The following RC3H1 variants were observed in gnomAD, a reference collection of about 807,000 sequenced individuals.
RC3H1 encodes roquin-1.
Under a neutral mutation model 138.2 loss-of-function variants are expected in RC3H1, and 50 were observed. The ratio of observed to expected loss-of-function variants is 0.36; its 90% CI spans 0.29 to 0.46. The LOEUF (loss-of-function observed/expected upper bound fraction) is 0.46, where lower values mean the gene tolerates loss of function less well. Ranked by LOEUF, RC3H1 falls within the 20% of genes least tolerant of loss-of-function variation. The pLI, the probability that RC3H1 is intolerant of heterozygous loss-of-function variation, is 1.00. For synonymous variants in RC3H1, 462 were observed against 489.1 expected (o/e 0.94, Z 0.73); for missense variants, 1,031 against 1,388.1 (o/e 0.74, Z 4.09).
In RC3H1 at chr1:173,993,064, G is replaced by A; in HGVS notation, c.-79C>T. 3.8e-6 allele frequency: 4 copies of A among 1,051,784 alleles called. No individual in the cohort carries two copies. In the African/African-American group the frequency reaches 4.9e-5, roughly 13 times the overall value. 65.2% of individuals were successfully genotyped at this position (1,051,784 alleles called of 1,614,324 possible). On this transcript the variant is annotated 5_prime_UTR_variant, in exon 2 of 20. Transcript: ENST00000367696. ...AGATTCCACTGGAATCAAAATCTTT[G>A]AAAAAAAGTTTATCTTTTTTTTTTT...
chr1:173,969,890 TAA>T (rs912801961), intron 9 of RC3H1, among the ~76,000 whole-genome samples: 1 of 151,922 alleles, frequency 6.6e-6, no homozygotes, highest in Non-Finnish European at 1.5e-5. Context: ...TTAGTTAAAT[TAA>T]GTTAAAATTG....
Position 173,938,610 on chromosome 1 carries a change from G to A in RC3H1, c.*111C>T, listed in dbSNP as rs962847637. On this transcript the variant is annotated 3_prime_UTR_variant, in exon 20 of 20. Transcript: ENST00000367696. ...GCACATTGCCTCTGGTGAATTTCCT[G>A]GATTTCTCTGACCGCTCTTAAGAGA... 1 of 733,314 alleles carries A rather than the reference G, an allele frequency of 1.4e-6. No homozygotes were observed. Among genetic ancestry groups the A allele is most frequent in the African/African-American group, 1.8e-5 (1 of 55,868 alleles). 45.4% of individuals were successfully genotyped at this position (733,314 alleles called of 1,614,324 possible). A position where few individuals can be genotyped will look rare whatever the true frequency, so the allele number is the denominator to read the frequency against.
At chr1:173,993,297 C>T (rs897910816) in intron 1 of RC3H1, among the ~76,000 whole-genome samples, 162 bp from the exon 2 acceptor site, 26 of 146,458 alleles carry the variant, frequency 1.8e-4, no homozygotes, top group African/African-American at 6.7e-4. Context: ...CATGATAGAA[C>T]ATCTATTTCC....
At chr1:174,010,662 C>T (rs2103092827) in intron 1 of RC3H1, among the ~76,000 whole-genome samples, 1 of 123,440 alleles carries the variant, frequency 8.1e-6, no homozygotes, top group African/African-American at 4.7e-5. Context: ...GATCCTCCTG[C>T]CTCGGCCTCC....
chr1:173,960,731 C>T (rs1659835796), intron 13 of RC3H1, among the ~76,000 whole-genome samples: 1 of 152,120 alleles, frequency 6.6e-6, no homozygotes, highest in African/African-American at 2.4e-5. Context: ...AATGTGGCAT[C>T]GGTTCAAGGA....
chr1:174,005,763 A>T (rs1661642371), intron 1 of RC3H1, among the ~76,000 whole-genome samples: 1 of 152,222 alleles, frequency 6.6e-6, no homozygotes, highest in Admixed American at 6.5e-5. Context: ...TCTAAAATGT[A>T]TCATAATCCA....
intron 7 of RC3H1, among the ~76,000 whole-genome samples, chr1:173,975,315 T>C (rs1334932227): frequency 1.3e-5 from 2 of 152,010 alleles, no homozygotes; most frequent in Non-Finnish European, 2.9e-5. Context: ...AGGATGGTCT[T>C]GATCTCTTGA....
chr1:173,997,696 A>C (rs1661486947), intron 1 of RC3H1, among the ~76,000 whole-genome samples: 1 of 152,224 alleles, frequency 6.6e-6, no homozygotes, highest in African/African-American at 2.4e-5. Context: ...TAAAAATAAA[A>C]GCATTATTTT....
At chr1:173,949,036 C>G in intron 14 of RC3H1, among the ~76,000 whole-genome samples, 1 of 148,230 alleles carries the variant, frequency 6.7e-6, no homozygotes, top group East Asian at 2.0e-4. Context: ...CAATAAGAGC[C>G]TTACTACAGC....
At chr1:174,011,955 A>C (rs746741840) in intron 1 of RC3H1, among the ~76,000 whole-genome samples, 7 of 152,168 alleles carry the variant, frequency 4.6e-5, no homozygotes, top group Non-Finnish European at 1.0e-4. Flanking sequence ...GCTCATGACT[A>C]ATCCCAGCAG....
At chr1:173,941,956 A>G (rs1175990719) in intron 18 of RC3H1, among the ~76,000 whole-genome samples, 3 of 145,112 alleles carry the variant, frequency 2.1e-5, no homozygotes, top group East Asian at 4.2e-4. Flanking sequence ...AAAAAAAAAA[A>G]GGCTAGGCAT....
chr1:173,940,827 CTT>C (rs112558924), intron 19 of RC3H1, among the ~76,000 whole-genome samples: 4 of 144,646 alleles, frequency 2.8e-5, no homozygotes, highest in Non-Finnish European at 1.5e-5. Context: ...CAAAAATATT[CTT>C]TTTTTTTTTT....
rs1557939587 is a variant in RC3H1 at position 173,978,518 on chromosome 1, C to T, written c.1072G>A (p.Glu358Lys). 6.2e-7 allele frequency: 1 copy of T among 1,613,996 alleles called. No homozygotes were observed. The highest frequency in any genetic ancestry group is 8.5e-7 in the Non-Finnish European group (1 of 1,179,972). ...ANLNRLRPHL[E>K]LLANIDPSPD... ...CTAGGGTCAATGTTTGCTAACAGCT[C>T]CAAATGGGGTCTTAGTCGGTTCAAG... Residue 358 changes from glutamate (E) to lysine (K), a missense_variant, in exon 7 of 20, where the codon GAG (glutamate) becomes AAG (lysine). Physicochemically the swap from Glu to Lys is moderately conservative, Grantham distance 56. This residue lies in a region of RC3H1 where 142 missense variants were observed against 224.6 expected (regional missense o/e 0.63). Transcript: ENST00000367696.
At position 173,942,558 on chromosome 1, in the gene RC3H1, C is replaced by T. The variant is rs1036696320; in HGVS notation, c.3135+884G>A. Among the ~76,000 whole-genome samples the T allele has an allele frequency of 4.6e-5, 7 of 151,664 alleles. No individual in the cohort carries two copies. In the East Asian group the frequency reaches 5.8e-4, roughly 13 times the overall value. ...AGAAAGATTATGAAAACTGGCTGGG[C>T]GTGGTGGCTCACACCTGTAATCCCA... On this transcript the variant is annotated intron_variant, in intron 18 of 19. Coordinates refer to ENST00000367696, the MANE Select transcript of RC3H1 (RefSeq NM_172071.4).
rs1490040198 is a variant in RC3H1, at chr1:173,932,865, T to C, written c.*5856A>G. The C allele has an allele frequency of 6.6e-6, 1 of 152,128 alleles. No homozygotes were observed. The highest frequency in any genetic ancestry group is 6.5e-5 in the Admixed American group (1 of 15,268). 9.4% of individuals were successfully genotyped at this position (152,128 alleles called of 1,614,324 possible). A position where few individuals can be genotyped will look rare whatever the true frequency, so the allele number is the denominator to read the frequency against. ...CACCCAATAGTTTGTTTCCAATCTT[T>C]TTCTTGACTCTTTCATACACTCACT... On this transcript the variant is annotated 3_prime_UTR_variant, in exon 20 of 20. Transcript: ENST00000367696.
chr1:173,942,735 TAGG>T (rs1445776983), intron 18 of RC3H1, among the ~76,000 whole-genome samples: 1 of 150,040 alleles, frequency 6.7e-6, no homozygotes, highest in African/African-American at 2.5e-5. Context: ...GAGGCTGAGG[TAGG>T]AGAATGGCGT....
chr1:174,016,422 CTTT>C (rs1189625122), intron 1 of RC3H1, among the ~76,000 whole-genome samples: 7 of 118,276 alleles, frequency 5.9e-5, no homozygotes, highest in Non-Finnish European at 5.1e-5. Context: ...TTTAAGTTTC[CTTT>C]TTTTTTTTTT....
chr1:174,007,048 T>G (rs1661665593), intron 1 of RC3H1, among the ~76,000 whole-genome samples: 1 of 152,112 alleles, frequency 6.6e-6, no homozygotes, highest in Non-Finnish European at 1.5e-5. Context: ...CAAATATCAC[T>G]ACTATCCCAA....
chr1:174,002,687 T>C (rs1479654731), intron 1 of RC3H1, among the ~76,000 whole-genome samples: 1 of 152,184 alleles, frequency 6.6e-6, no homozygotes, highest in Non-Finnish European at 1.5e-5. Flanking sequence ...CTTATTTTAC[T>C]TCTTTCTATA....
Sources: allele counts gnomAD v4.1 joint callset (sites outside exome capture counted in the v4.1 genomes callset), GRCh38; gene constraint gnomAD v4.1.1; regional missense constraint gnomAD v4.1.1; transcripts MANE v1.5; gene names NCBI Gene and HGNC (gene_info 2026-07-23, HGNC 2026-07-21).